Variants in PPP6R2 observed in about 807,000 individuals in gnomAD.
PPP6R2 encodes protein phosphatase 6 regulatory subunit 2, also known as serine/threonine-protein phosphatase 6 regulatory subunit 2.
A neutral mutation model predicts 100.2 loss-of-function variants in PPP6R2; 62 were observed. That is an observed-to-expected ratio of 0.62 (90% CI 0.50 to 0.76). The LOEUF is 0.76. Ranked by LOEUF, PPP6R2 falls within the 30% of genes least tolerant of loss-of-function variation. The pLI, the probability that PPP6R2 is intolerant of heterozygous loss-of-function variation, is 0.00. For missense variants in PPP6R2, 1,142 were observed against 1,276.3 expected (o/e 0.89, Z 1.60); for synonymous variants, 525 against 514.7 (o/e 1.02, Z -0.27).
At chr22:50,337,647 T>TGTGTGTGTG in the PPP6R2 span, among the ~76,000 whole-genome samples, 1 of 110,178 alleles carries the variant, frequency 9.1e-6, no homozygotes, top group Non-Finnish European at 1.6e-5. Context: ...GTGGGTATAG[T>TGTGTGTGTG]GTGTGTGTGG....
rs118067376 is a variant in PPP6R2, at chr22:50,421,559, G to A, written c.846-695G>A. ...ATTACTTTAAAAAATATATGATTAC[G>A]TATTACTTTTACAACTGGAAAGAGT... On this transcript the variant is annotated intron_variant, in intron 8 of 23. Transcript: ENST00000612753. 1.2e-3 allele frequency among the ~76,000 whole-genome samples: 185 copies of A among 152,228 alleles called. 1 individual carries two copies. In the East Asian group the frequency reaches 0.034, roughly 28 times the overall value.
At chr22:50,424,327 G>A (rs1055820344) in intron 10 of PPP6R2, among the ~76,000 whole-genome samples, 1 of 138,504 alleles carries the variant, frequency 7.2e-6, no homozygotes, top group Non-Finnish European at 1.6e-5. Context: ...AGTTCTGTCA[G>A]CGTGTGGAAG....
At chr22:50,393,852 T>C in intron 2 of PPP6R2, 41 bp from the exon 3 acceptor site, 1 of 1,608,554 alleles carries the variant, frequency 6.2e-7, no homozygotes, top group Non-Finnish European at 8.5e-7. Flanking sequence ...AAGGTGGATT[T>C]GCAAGGGTGA....
chr22:50,443,930 GC>G lies in PPP6R2; in HGVS notation c.2648del (p.Pro883GlnfsTer17). 1 of 1,604,852 alleles carries G rather than the reference GC, an allele frequency of 6.2e-7. No individual in the cohort carries two copies. Among genetic ancestry groups the G allele is most frequent in the Non-Finnish European group, 8.5e-7 (1 of 1,176,326 alleles). ...CCCCGCGCCAAAGGAAGTGACTGCT[GC>G]CCCAGCCGTGGCTGTGCCCCCCGAG... The part of the protein sequence containing the change: ...ACPAPKEVTA[A>X]PAVAVPPEAT... On this transcript the variant is annotated frameshift_variant, in exon 23 of 24. Transcript: ENST00000612753. LOFTEE classifies it high-confidence loss of function.
rs1328596163 is a variant in PPP6R2, at chr22:50,444,002, A to T, written c.2716A>T (p.Ile906Leu). The stretch of plus-strand genomic sequence containing the variant: ...AGCACTGAGCAAGGCTGGCCCCGCC[A>T]TACCCACCCCAGCAGTCTCTTCTGC... ...TTALSKAGPAIPTPAVSSALA... is the reference protein window; with the variant it reads ...TTALSKAGPALPTPAVSSALA... Residue 906 changes from isoleucine to leucine, a missense_variant, in exon 23 of 24, where the codon ATA becomes TTA. Coordinates refer to ENST00000612753, the MANE Select transcript of PPP6R2 (RefSeq NM_001242898.2). 3.7e-6 allele frequency: 6 copies of T among 1,613,300 alleles called. No individual in the cohort carries two copies. Among genetic ancestry groups the T allele is most frequent in the Non-Finnish European group, 4.2e-6 (5 of 1,179,928 alleles).
chr22:50,350,656 TAACACGGTGA>T (rs1189300562), intron 1 of PPP6R2, among the ~76,000 whole-genome samples: 2 of 151,724 alleles, frequency 1.3e-5, no homozygotes, highest in African/African-American at 4.8e-5. Context: ...CCATCCTGGC[TAACACGGTGA>T]AACCCCGTCT....
intron 22 of PPP6R2, among the ~76,000 whole-genome samples, chr22:50,442,610 C>A (rs570548676): frequency 6.6e-6 from 1 of 152,070 alleles, no homozygotes; most frequent in Non-Finnish European, 1.5e-5. Flanking sequence ...AGTGCAGTGG[C>A]GCAATCTTGG....
intron 2 of PPP6R2, among the ~76,000 whole-genome samples, chr22:50,376,455 C>T (rs182316011): frequency 1.4e-4 from 21 of 152,264 alleles, no homozygotes; most frequent in Non-Finnish European, 2.4e-4. Flanking sequence ...CTTACTCTGT[C>T]GCCTAGGCTG....
At chr22:50,436,592 C>A in intron 14 of PPP6R2, 140 bp downstream of exon 14, 5 of 808,332 alleles carry the variant, frequency 6.2e-6, no homozygotes, top group Non-Finnish European at 1.0e-5. Context: ...TATGCGGTGC[C>A]CCTGCATAGT....
At position 50,423,470 on chromosome 22, in the gene PPP6R2, G is replaced by A. The variant is rs780115416; in HGVS notation, c.981G>A (p.Ala327=). The A allele has an allele frequency of 5.4e-5, 87 of 1,614,080 alleles. No individual in the cohort carries two copies. Among genetic ancestry groups the A allele is most frequent in the Admixed American group, 1.0e-4 (6 of 60,002 alleles). Residue 327 remains alanine (A), a synonymous_variant, in exon 10 of 24, where the codon GCG becomes GCA. Transcript: ENST00000612753. The surrounding 1 kb of genome is among the most constrained non-coding windows in gnomAD (Gnocchi z 4.8). ...QLLLNPPKKK[A]ILTTIGVLEE... ...GCCTTCTGTGTTTGCAGAAGAAAGC[G>A]ATCCTGACCACCATTGGTGTGCTGG...
upstream of PPP6R2, among the ~76,000 whole-genome samples, chr22:50,338,460 TA>T (rs1282225711): frequency 3.6e-5 from 4 of 111,026 alleles, no homozygotes; most frequent in East Asian, 9.2e-4. Flanking sequence ...GTGTGGTATG[TA>T]GTGTGTGTTA....
intron 10 of PPP6R2, among the ~76,000 whole-genome samples, chr22:50,429,681 C>G (rs1359326573): frequency 6.6e-6 from 1 of 152,156 alleles, no homozygotes; most frequent in Non-Finnish European, 1.5e-5. Flanking sequence ...AGTGTTAACT[C>G]TTCTTTAAAT....
At position 50,436,388 on chromosome 22, in the gene PPP6R2, G is replaced by T. The variant is rs1479996137; in HGVS notation, c.1538G>T (p.Gly513Val). 3 of 1,585,252 alleles carry T rather than the reference G, an allele frequency of 1.9e-6. No individual in the cohort carries two copies. Among genetic ancestry groups the T allele is most frequent in the Non-Finnish European group, 2.6e-6 (3 of 1,167,084 alleles). The change falls in exon 14 of 24, where the codon GGC becomes GTC. Residue 513 changes from glycine to valine, a missense_variant. Physicochemically the swap from Gly to Val is moderately radical, Grantham distance 109 (BLOSUM62 -3). This residue lies in a region of PPP6R2 where 592 missense variants were observed against 758.9 expected (regional missense o/e 0.78). Coordinates refer to ENST00000612753, the MANE Select transcript of PPP6R2 (RefSeq NM_001242898.2). ...VIRGLPADCR[G>V]RWESFVEETL... ...GCAGGGCTCCCTGCGGACTGCCGTGGCCGCTGGGAGAGCTTCGTGGAGGAG... is the reference window on the plus strand; with the variant it reads ...GCAGGGCTCCCTGCGGACTGCCGTGTCCGCTGGGAGAGCTTCGTGGAGGAG...
chr22:50,404,788 T>C (rs2058592259), intron 3 of PPP6R2, among the ~76,000 whole-genome samples: 1 of 152,066 alleles, frequency 6.6e-6, no homozygotes, highest in Non-Finnish European at 1.5e-5. Context: ...GACAGGTCAC[T>C]TGCTGGTGTC....
Position 50,431,405 on chromosome 22 carries a change from TTA to T in PPP6R2, c.1335+25_1335+26del. 6.2e-7 allele frequency: 1 copy of T among 1,602,788 alleles called. No homozygotes were observed. The highest frequency in any genetic ancestry group is 8.5e-7 in the Non-Finnish European group (1 of 1,174,590). On this transcript the variant is annotated intron_variant, in intron 11 of 23. Transcript: ENST00000612753. This position sits in a 1 kb window ranked among gnomAD's most constrained non-coding sequence, Gnocchi z 4.8. ...CACGTGAGTCCAAGAAGCATCCATC[TTA>T]TCAGCGCCAACTGCGCCCCACTCAG...
In PPP6R2 at chr22:50,444,319, C is replaced by A; in HGVS notation, c.*72C>A. ...TAATCGAGAAAACTACCTGGTGATG[C>A]AATCTTTTTTTTTTTTAATTTAATT... On this transcript the variant is annotated 3_prime_UTR_variant, in exon 24 of 24. Transcript: ENST00000612753. 1 of 1,395,154 alleles carries A rather than the reference C, an allele frequency of 7.2e-7. No individual in the cohort carries two copies. Among genetic ancestry groups the A allele is most frequent in the Non-Finnish European group, 9.5e-7 (1 of 1,047,332 alleles). The allele number at this position is 1,395,154 out of a possible 1,614,324, so 86.4% of individuals were successfully genotyped here.
intron 14 of PPP6R2, 137 bp downstream of exon 14, chr22:50,436,589 T>G: frequency 7.4e-6 from 6 of 811,482 alleles, no homozygotes; most frequent in Non-Finnish European, 1.0e-5. Context: ...GACTATGCGG[T>G]GCCCCTGCAT....
chr22:50,373,400 C>A (rs1266148452), intron 2 of PPP6R2, among the ~76,000 whole-genome samples: 5 of 151,446 alleles, frequency 3.3e-5, no homozygotes, highest in Non-Finnish European at 7.4e-5. Context: ...CGCCAGCACG[C>A]CCGGCTAATT....
intron 5 of PPP6R2, among the ~76,000 whole-genome samples, chr22:50,415,784 C>T (rs185296773): frequency 6.6e-5 from 10 of 152,334 alleles, no homozygotes; most frequent in Admixed American, 3.9e-4. Context: ...CAGCGGGGCT[C>T]CTGAGCTATA....
Sources: allele counts gnomAD v4.1 joint callset (sites outside exome capture counted in the v4.1 genomes callset), GRCh38; gene constraint gnomAD v4.1.1; regional missense constraint gnomAD v4.1.1; non-coding constraint Gnocchi (gnomAD v3.1); transcripts MANE v1.5; gene names NCBI Gene and HGNC (gene_info 2026-07-23, HGNC 2026-07-21).